Variants in ZSWIM3 observed in about 807,000 individuals in gnomAD.
ZSWIM3 encodes zinc finger SWIM domain-containing protein 3.
Under a neutral mutation model 47.5 loss-of-function variants are expected in ZSWIM3, and 27 were observed. The observed-to-expected ratio is 0.57, with a 90% CI of 0.42 to 0.78. The LOEUF (loss-of-function observed/expected upper bound fraction) is 0.78. Among genes scored for constraint, ZSWIM3 ranks in the 30% least tolerant of loss-of-function variants. The pLI is 0.00. For missense variants in ZSWIM3, 689 were observed against 861.3 expected, an observed-to-expected ratio of 0.80 and a Z score of 2.50; for synonymous variants, 333 against 333.9, an observed-to-expected ratio of 1.00 and a Z score of 0.03.
chr20:45,862,180 G>A (rs1310750804), intron 1 of ZSWIM3, among the ~76,000 whole-genome samples: 2 of 145,566 alleles, frequency 1.4e-5, no homozygotes, highest in Admixed American at 6.9e-5. Context: ...ATGGAGTTTC[G>A]CTCTGTCGCC....
Position 45,857,798 on chromosome 20 carries a change from G to C in ZSWIM3, c.-28G>C. The stretch of plus-strand genomic sequence containing the variant: ...TGATCTTGGGCCCGGGCTGGGACCA[G>C]CCCCTAGTGTGGGTTGTGGGGGCGG... On this transcript the variant is annotated 5_prime_UTR_variant, in exon 1 of 2. Coordinates refer to ENST00000255152, the MANE Select transcript of ZSWIM3 (RefSeq NM_080752.4). The C allele has an allele frequency of 1.9e-6, 3 of 1,610,992 alleles. No homozygotes were observed. The highest frequency in any genetic ancestry group is 2.5e-6 in the Non-Finnish European group (3 of 1,178,000).
chr20:45,857,668 C>T lies in ZSWIM3; in HGVS notation c.-158C>T. 1 of 872,544 alleles carries T rather than the reference C, an allele frequency of 1.1e-6. No homozygotes were observed. The highest frequency in any genetic ancestry group is 1.8e-6 in the Non-Finnish European group (1 of 555,976). The allele number at this position is 872,544 out of a possible 1,614,324, so 54.1% of individuals were successfully genotyped here. On this transcript the variant is annotated 5_prime_UTR_variant, in exon 1 of 2. Transcript: ENST00000255152. ...TGTAACCCGGTCAGGCCTAGGGTTC[C>T]TCCCTGAGTTCCAGAATAGGCCACC...
chr20:45,858,665 G>A (rs1383131879), intron 1 of ZSWIM3, among the ~76,000 whole-genome samples: 2 of 152,196 alleles, frequency 1.3e-5, no homozygotes, highest in African/African-American at 4.8e-5. Flanking sequence ...GAGCCACTAT[G>A]CCTGGTCTAT....
chr20:45,877,873 C>T lies in ZSWIM3; in HGVS notation c.1315C>T (p.Pro439Ser), dbSNP rs762486983. ...KGLKNLPTPP[P>S]KLKRARPASM... The stretch of plus-strand genomic sequence containing the variant: ...CTTGAAGAACTTGCCCACACCTCCT[C>T]CCAAATTAAAGAGAGCTCGGCCGGC... Residue 439 changes from proline (P) to serine (S), a missense_variant, in exon 2 of 2, where the codon CCC (proline) becomes TCC (serine). Transcript: ENST00000255152. 11 of 1,614,178 alleles carry T rather than the reference C, an allele frequency of 6.8e-6. No individual in the cohort carries two copies. Among genetic ancestry groups the T allele is most frequent in the Middle Eastern group, 3.3e-4 (2 of 6,062 alleles).
intron 1 of ZSWIM3, chr20:45,872,912 A>G: frequency 8.5e-7 from 1 of 1,172,742 alleles, no homozygotes; most frequent in Non-Finnish European, 1.1e-6. Context: ...CCACAGGGTG[A>G]GCAAACTGGA....
chr20:45,874,622 T>C (rs992632955), intron 1 of ZSWIM3, among the ~76,000 whole-genome samples: 1 of 152,240 alleles, frequency 6.6e-6, no homozygotes, highest in Non-Finnish European at 1.5e-5. Context: ...TCTAGTCCAA[T>C]GTCCTGGGAT....
intron 1 of ZSWIM3, among the ~76,000 whole-genome samples, chr20:45,862,148 T>G (rs1236695057): frequency 6.6e-6 from 1 of 150,538 alleles, no homozygotes; most frequent in African/African-American, 2.5e-5. Context: ...TGGTTTTTTT[T>G]GGTTTTTTTT....
intron 1 of ZSWIM3, among the ~76,000 whole-genome samples, chr20:45,872,498 G>C (rs969304300): frequency 4.6e-5 from 7 of 152,168 alleles, no homozygotes; most frequent in Non-Finnish European, 8.8e-5. Flanking sequence ...ACCCAACTAA[G>C]GGCTTGAGGA....
At chr20:45,869,111 A>G (rs1798307878) in intron 1 of ZSWIM3, among the ~76,000 whole-genome samples, 1 of 151,998 alleles carries the variant, frequency 6.6e-6, no homozygotes, top group South Asian at 2.1e-4. Context: ...CCTGCTAAAT[A>G]TAATATTAAC....
Position 45,860,510 on chromosome 20 carries a change from CAAAAAAAAA to C in ZSWIM3, c.155+2547_155+2555del, listed in dbSNP as rs59152975. On this transcript the variant is annotated intron_variant, in intron 1 of 1. Coordinates refer to ENST00000255152, the MANE Select transcript of ZSWIM3 (RefSeq NM_080752.4). Reference sequence around the variant, plus strand: ...TCGGCAACAGAGCGAGACTCCATCTCAAAAAAAAAAAAAAAAAAAAAAAAAGAATCCTTT... The same window carrying C: ...TCGGCAACAGAGCGAGACTCCATCTCAAAAAAAAAAAAAAAAGAATCCTTT... Among the ~76,000 whole-genome samples the C allele has an allele frequency of 2.5e-3, 255 of 102,586 alleles. 3 individuals carry two copies. Among genetic ancestry groups the C allele is most frequent in the Admixed American group, 0.016 (175 of 11,148 alleles). 67.3% of individuals were successfully genotyped at this position (102,586 alleles called of 152,430 possible).
Position 45,878,781 on chromosome 20 carries a change from G to C in ZSWIM3, c.*132G>C. 1 of 1,201,046 alleles carries C rather than the reference G, an allele frequency of 8.3e-7. No individual in the cohort carries two copies. The highest frequency in any genetic ancestry group is 1.6e-5 in the South Asian group (1 of 62,844). The allele number at this position is 1,201,046 out of a possible 1,614,324, so 74.4% of individuals were successfully genotyped here. A position where few individuals can be genotyped will look rare whatever the true frequency, so the allele number is the denominator to read the frequency against. On this transcript the variant is annotated 3_prime_UTR_variant, in exon 2 of 2. Transcript: ENST00000255152. ...AGGTGGGGCTAGGAATATTGTTACA[G>C]TAGAGAGGAAGGGAACTCCACTGTG...
intron 1 of ZSWIM3, among the ~76,000 whole-genome samples, chr20:45,870,382 C>T (rs1276351816): frequency 1.3e-5 from 2 of 151,684 alleles, no homozygotes; most frequent in Non-Finnish European, 2.9e-5. Flanking sequence ...AATTTCCTGT[C>T]ATGTTTCTTT....
At position 45,870,611 on chromosome 20, in the gene ZSWIM3, A is replaced by G. The variant is rs370307988; in HGVS notation, c.156-6103A>G. 1.1e-4 allele frequency among the ~76,000 whole-genome samples: 16 copies of G among 152,218 alleles called. 1 individual carries two copies. The East Asian group carries it at 1.2e-3, about 11-fold the overall frequency. On this transcript the variant is annotated intron_variant, in intron 1 of 1. Transcript: ENST00000255152. Reference sequence around the variant, plus strand: ...ACTGATTATTCATATTGTTATTTCCATGTATAGAGAGAGAAGAAATTGGAG... The same window carrying G: ...ACTGATTATTCATATTGTTATTTCCGTGTATAGAGAGAGAAGAAATTGGAG...
At chr20:45,865,011 A>C (rs1315770944) in intron 1 of ZSWIM3, among the ~76,000 whole-genome samples, 1 of 152,022 alleles carries the variant, frequency 6.6e-6, no homozygotes, top group Non-Finnish European at 1.5e-5. Context: ...TCTACTAAAA[A>C]TACAAAAAAT....
rs766342622 is a variant in ZSWIM3 at position 45,876,832 on chromosome 20, T to C, written c.274T>C (p.Phe92Leu). ...LRYNERLDRL[F>L]ISELNTQHIH... Reference sequence around the variant, plus strand: ...GTACAACGAGAGACTAGATAGACTATTTATCAGTGAACTAAACACACAGCA... The same window carrying C: ...GTACAACGAGAGACTAGATAGACTACTTATCAGTGAACTAAACACACAGCA... Residue 92 changes from phenylalanine (F) to leucine (L), a missense_variant, in exon 2 of 2, where the codon TTT (phenylalanine) becomes CTT (leucine). By Grantham distance (22) the Phe-to-Leu change is conservative. Coordinates refer to ENST00000255152, the MANE Select transcript of ZSWIM3 (RefSeq NM_080752.4). 11 of 1,614,010 alleles carry C rather than the reference T, an allele frequency of 6.8e-6. No individual in the cohort carries two copies. Among genetic ancestry groups the C allele is most frequent in the African/African-American group, 1.3e-5 (1 of 74,898 alleles).
At chr20:45,876,564 C>G (rs1986096957) in intron 1 of ZSWIM3, 150 bp from the exon 2 acceptor site, 3 of 932,644 alleles carry the variant, frequency 3.2e-6, no homozygotes, top group Non-Finnish European at 4.8e-6. Flanking sequence ...GTCTCAGACT[C>G]CTGGGCTCAA....
chr20:45,872,881 T>G lies in ZSWIM3; in HGVS notation c.156-3833T>G, dbSNP rs990277958. ...AGCCTGTTACTGTGAGACTCACACA[T>G]CCTGTTTTCCCAAGCTTGCCCCACA... On this transcript the variant is annotated intron_variant, in intron 1 of 1. Transcript: ENST00000255152. 1.2e-5 allele frequency: 15 copies of G among 1,207,362 alleles called. No individual in the cohort carries two copies. The Middle Eastern group carries it at 1.1e-3, about 92-fold the overall frequency. The allele number at this position is 1,207,362 out of a possible 1,614,324, so 74.8% of individuals were successfully genotyped here.
intron 1 of ZSWIM3, chr20:45,872,688 G>A (rs1342972046): frequency 2.3e-6 from 3 of 1,281,374 alleles, no homozygotes; most frequent in Non-Finnish European, 3.0e-6. Flanking sequence ...AAAACAAGGT[G>A]ATGAAAACAA....
At chr20:45,866,033 TA>T (rs1466154840) in intron 1 of ZSWIM3, among the ~76,000 whole-genome samples, 1 of 147,414 alleles carries the variant, frequency 6.8e-6, no homozygotes, top group Non-Finnish European at 1.5e-5. Context: ...AAATTCAGGC[TA>T]GGGGGCATGC....
Sources: allele counts gnomAD v4.1 joint callset (sites outside exome capture counted in the v4.1 genomes callset), GRCh38; gene constraint gnomAD v4.1.1; transcripts MANE v1.5; gene names NCBI Gene and HGNC (gene_info 2026-07-23, HGNC 2026-07-21).